Variants in SPMAP2L observed in about 807,000 individuals in gnomAD.
SPMAP2L encodes sperm microtubule associated protein 2 like.
the SPMAP2L span, among the ~76,000 whole-genome samples, chr4:56,583,310 G>A: frequency 4.6e-5 from 7 of 151,540 alleles, no homozygotes; most frequent in South Asian, 2.1e-4. Flanking sequence ...AAGAAATTCC[G>A]GAATAGGCCA....
chr4:56,601,078 A>C, the SPMAP2L span: 1 of 1,535,202 alleles, frequency 6.5e-7, no homozygotes, highest in Middle Eastern at 1.7e-4. Context: ...AGCATCACCT[A>C]GGATTCAGGA....
At chr4:56,562,499 G>A in the SPMAP2L span, among the ~76,000 whole-genome samples, 5 of 151,972 alleles carry the variant, frequency 3.3e-5, no homozygotes, top group Non-Finnish European at 5.9e-5. Flanking sequence ...TGCCATATTT[G>A]TGTACCATTA....
chr4:56,586,568 G>A, the SPMAP2L span, among the ~76,000 whole-genome samples: 1 of 152,318 alleles, frequency 6.6e-6, no homozygotes, highest in East Asian at 1.9e-4. Context: ...TAACACCTGT[G>A]TGTGGTGCCC....
At chr4:56,592,800 G>A in the SPMAP2L span, among the ~76,000 whole-genome samples, 1 of 151,904 alleles carries the variant, frequency 6.6e-6, no homozygotes, top group South Asian at 2.1e-4. Context: ...GCCGCGGCTG[G>A]GGCCTCGCGC....
the SPMAP2L span, among the ~76,000 whole-genome samples, chr4:56,590,362 TAAGTTCAAAATTATGCA>T: frequency 1.3e-5 from 2 of 152,204 alleles, no homozygotes; most frequent in Non-Finnish European, 2.9e-5. Context: ...ACCTAGGTAT[TAAGTTCAAAATTATGCA>T]TGGCTAAAAG....
At chr4:56,571,251 C>T in the SPMAP2L span, among the ~76,000 whole-genome samples, 2 of 151,806 alleles carry the variant, frequency 1.3e-5, no homozygotes, top group Non-Finnish European at 2.9e-5. Flanking sequence ...TTTTAATCCA[C>T]AGGACTCTGC....
At chr4:56,600,441 G>C in the SPMAP2L span, among the ~76,000 whole-genome samples, 1 of 151,850 alleles carries the variant, frequency 6.6e-6, no homozygotes, top group African/African-American at 2.4e-5. Flanking sequence ...TTACAGGCAC[G>C]GGCCACCAAG....
chr4:56,547,313 T>A, the SPMAP2L span, among the ~76,000 whole-genome samples: 1 of 151,486 alleles, frequency 6.6e-6, no homozygotes, highest in Non-Finnish European at 1.5e-5. Context: ...TGGTGCAATC[T>A]TGGCTCACTG....
the SPMAP2L span, among the ~76,000 whole-genome samples, chr4:56,622,733 G>T: frequency 2.0e-5 from 3 of 152,124 alleles, no homozygotes. Context: ...ACCTCCTCCA[G>T]CCCAAGAGCC....
chr4:56,584,716 C>G, the SPMAP2L span: 11,452 of 800,938 alleles, frequency 0.014, 147 homozygotes, highest in Non-Finnish European at 0.017. Flanking sequence ...ATTTTTCCCT[C>G]TTATCAAATG....
chr4:56,620,183 G>A, the SPMAP2L span, among the ~76,000 whole-genome samples: 1 of 152,342 alleles, frequency 6.6e-6, no homozygotes, highest in Non-Finnish European at 1.5e-5. Context: ...GGAAAGGAAA[G>A]TCAGGACCCA....
the SPMAP2L span, chr4:56,593,717 G>A: frequency 6.3e-7 from 1 of 1,580,828 alleles, no homozygotes; most frequent in Non-Finnish European, 8.7e-7. Context: ...GGCAACAAGA[G>A]ACGCCACTGG....
chr4:56,561,869 G>A, the SPMAP2L span, among the ~76,000 whole-genome samples: 6 of 152,090 alleles, frequency 3.9e-5, no homozygotes, highest in African/African-American at 1.2e-4. Flanking sequence ...GATTACAGGC[G>A]CCCACCACCA....
the SPMAP2L span, chr4:56,593,004 T>A: frequency 2.3e-5 from 37 of 1,600,700 alleles, no homozygotes; most frequent in Non-Finnish European, 2.7e-5. Context: ...GAAAATGAAA[T>A]CCTTGCAACT....
chr4:56,540,650 AAG>A, the SPMAP2L span, among the ~76,000 whole-genome samples: 2 of 152,054 alleles, frequency 1.3e-5, no homozygotes, highest in African/African-American at 4.8e-5. Context: ...AAAGAAAGAA[AAG>A]AGAGAAAGAA....
At chr4:56,562,472 A>G in the SPMAP2L span, among the ~76,000 whole-genome samples, 1 of 152,018 alleles carries the variant, frequency 6.6e-6, no homozygotes, top group Non-Finnish European at 1.5e-5. Context: ...AGCCATCAGT[A>G]TATTATCTTC....
At chr4:56,543,374 C>T in the SPMAP2L span, among the ~76,000 whole-genome samples, 2 of 152,066 alleles carry the variant, frequency 1.3e-5, no homozygotes, top group African/African-American at 2.4e-5. Flanking sequence ...TGAGCCACCG[C>T]GCCCAGCCAT....
At chr4:56,612,825 C>G in the SPMAP2L span, among the ~76,000 whole-genome samples, 2 of 151,420 alleles carry the variant, frequency 1.3e-5, no homozygotes, top group South Asian at 4.2e-4. Flanking sequence ...CCTCGGCCTC[C>G]CAAAGTGCTG....
chr4:56,604,020 AT>A, the SPMAP2L span, among the ~76,000 whole-genome samples: 1 of 152,180 alleles, frequency 6.6e-6, no homozygotes, highest in Non-Finnish European at 1.5e-5. Flanking sequence ...ATAGATCAGT[AT>A]TTTACAAATT....
Sources: allele counts gnomAD v4.1 joint callset (sites outside exome capture counted in the v4.1 genomes callset), GRCh38; gene constraint gnomAD v4.1.1; transcripts MANE v1.5; gene names NCBI Gene and HGNC (gene_info 2026-07-23, HGNC 2026-07-21).